Variants in SAMD9 observed in about 807,000 individuals in gnomAD.
SAMD9 encodes the protein sterile alpha motif domain-containing protein 9.
Under a neutral mutation model 1.5 loss-of-function variants are expected in SAMD9, and 3 were observed. The ratio of observed to expected loss-of-function variants is 2.05; its 90% CI spans 0.93 to 5.29. The LOEUF is 5.29. SAMD9 is among the 30% of genes most tolerant of loss of function. The pLI is 0.02. For missense variants in SAMD9, 1,597 were observed against 1,820.8 expected (o/e 0.88, Z 2.24); for synonymous variants, 635 against 631.9 (o/e 1.00, Z -0.07).
At chr7:93,113,887 G>A (rs1791788908) in intron 2 of SAMD9, among the ~76,000 whole-genome samples, 1 of 152,202 alleles carries the variant, frequency 6.6e-6, no homozygotes, top group Admixed American at 6.5e-5. Flanking sequence ...GGAAGACAAT[G>A]TGGCAATTCC....
In SAMD9 at chr7:93,101,777, G is replaced by T. The variant is rs552576227; in HGVS notation, c.4321C>A (p.Pro1441Thr). 4 of 1,613,602 alleles carry T rather than the reference G, an allele frequency of 2.5e-6. No homozygotes were observed. Among genetic ancestry groups the T allele is most frequent in the African/African-American group, 1.3e-5 (1 of 74,880 alleles). Residue 1441 changes from proline to threonine, a missense_variant, in exon 3 of 3, where the codon CCA becomes ACA. Physicochemically the swap from Pro to Thr is conservative, Grantham distance 38. Transcript: ENST00000379958. ...TGTTGATCTAGTTGTTGATTTTCTG[G>T]CCAGAATAAGAGGGAAGCTAGAAAA... ...PYFLASLLFWPENQQLDQHSE... is the reference protein window; with the variant it reads ...PYFLASLLFWTENQQLDQHSE...
chr7:93,116,430 T>A (rs1203655190), intron 1 of SAMD9, among the ~76,000 whole-genome samples: 1 of 152,198 alleles, frequency 6.6e-6, no homozygotes, highest in African/African-American at 2.4e-5. Context: ...CTATGAATAT[T>A]TCAAATGTCA....
chr7:93,101,001 G>T lies in SAMD9; in HGVS notation c.*327C>A. 3.0e-6 allele frequency: 1 copy of T among 329,462 alleles called. No homozygotes were observed. The highest frequency in any genetic ancestry group is 5.6e-6 in the Non-Finnish European group (1 of 177,190). The allele number at this position is 329,462 out of a possible 1,614,324, so 20.4% of individuals were successfully genotyped here. A position where few individuals can be genotyped will look rare whatever the true frequency, so the allele number is the denominator to read the frequency against. On this transcript the variant is annotated 3_prime_UTR_variant, in exon 3 of 3. Coordinates refer to ENST00000379958, the MANE Select transcript of SAMD9 (RefSeq NM_017654.4). ...GAGTAGACAATCTTCTTCAATCCAT[G>T]CCTGGTAAGTAGTGGGGTTCTGTGT...
chr7:93,111,789 C>G (rs1328082636), intron 2 of SAMD9, among the ~76,000 whole-genome samples: 1 of 152,194 alleles, frequency 6.6e-6, no homozygotes, highest in Admixed American at 6.5e-5. Flanking sequence ...AGACCAATAA[C>G]AGGTTCTGAA....
rs769707396 is a variant in SAMD9 at position 93,106,106 on chromosome 7, C to G, written c.-8-1G>C. ...TTAAGTTGCTTTGCCATTCTGATAC[C>G]TATATGTAGAAAAAGAAAAATTATT... On this transcript the variant is annotated splice_acceptor_variant, in intron 2 of 2. Coordinates refer to ENST00000379958, the MANE Select transcript of SAMD9 (RefSeq NM_017654.4). LOFTEE classifies it low-confidence loss of function (5UTR_SPLICE). The G allele has an allele frequency of 1.3e-6, 2 of 1,553,466 alleles. No homozygotes were observed. Among genetic ancestry groups the G allele is most frequent in the East Asian group, 4.5e-5 (2 of 44,054 alleles).
rs1791520277 is a variant in SAMD9 at position 93,101,140 on chromosome 7, T to G, written c.*188A>C. 2 of 621,846 alleles carry G rather than the reference T, an allele frequency of 3.2e-6. No individual in the cohort carries two copies. Among genetic ancestry groups the G allele is most frequent in the Non-Finnish European group, 5.7e-6 (2 of 351,326 alleles). The allele number at this position is 621,846 out of a possible 1,614,324, so 38.5% of individuals were successfully genotyped here. On this transcript the variant is annotated 3_prime_UTR_variant, in exon 3 of 3. Transcript: ENST00000379958. ...ATTTGCTACTTTTCATATATCTCAC[T>G]CCTTCCTTTTTCACTATTGTCTTTG...
In SAMD9 at chr7:93,105,460, A is replaced by G; in HGVS notation, c.638T>C (p.Met213Thr). ...TCGGAAAACCTCATTGCTAAATTTC[A>G]TCTTGACATCCTCTTCTGTGGCTGT... is the stretch of plus-strand genomic sequence containing the variant. The part of the protein sequence containing the change: ...TATATEEDVK[M>T]KFSNEVFRFA... The change falls in exon 3 of 3, where the codon ATG (methionine) becomes ACG (threonine). Residue 213 changes from methionine to threonine, a missense_variant. By Grantham distance (81) the Met-to-Thr change is moderately conservative (BLOSUM62 -1). Around this residue, in one of 6 missense-constraint regions of SAMD9, gnomAD observed 498 missense variants for 457.4 expected, o/e 1.09. Coordinates refer to ENST00000379958, the MANE Select transcript of SAMD9 (RefSeq NM_017654.4). The G allele has an allele frequency of 6.2e-7, 1 of 1,614,104 alleles. No homozygotes were observed. Among genetic ancestry groups the G allele is most frequent in the East Asian group, 2.2e-5 (1 of 44,860 alleles).
In SAMD9 at chr7:93,103,628, G is replaced by A. The variant is rs1186536794; in HGVS notation, c.2470C>T (p.Arg824Ter). 3.1e-6 allele frequency: 5 copies of A among 1,613,320 alleles called. No homozygotes were observed. Among genetic ancestry groups the A allele is most frequent in the Middle Eastern group, 1.6e-4 (1 of 6,082 alleles). The change falls in exon 3 of 3, where the codon CGA becomes TGA. Residue 824 changes from arginine to a stop codon, truncating the protein, a stop_gained. Transcript: ENST00000379958. LOFTEE classifies it low-confidence loss of function (END_TRUNC). ...IQTAIAKKYIRYEKPLVIILN... is the reference protein window; with the variant it reads ...IQTAIAKKYI Reference sequence around the variant, plus strand: ...ATAATCACCAGAGGTTTTTCATATCGAATGTACTTTTTAGCTATAGCTGTT... The same window carrying A: ...ATAATCACCAGAGGTTTTTCATATCAAATGTACTTTTTAGCTATAGCTGTT...
At chr7:93,111,029 A>G (rs1791733845) in intron 2 of SAMD9, among the ~76,000 whole-genome samples, 1 of 152,226 alleles carries the variant, frequency 6.6e-6, no homozygotes, top group African/African-American at 2.4e-5. Context: ...CATCGCACTT[A>G]TTTCAAAATT....
Position 93,102,672 on chromosome 7 carries a change from C to A in SAMD9, c.3426G>T (p.Gly1142=), listed in dbSNP as rs555757176. 1.9e-6 allele frequency: 3 copies of A among 1,613,884 alleles called. No homozygotes were observed. The highest frequency in any genetic ancestry group is 2.2e-5 in the East Asian group (1 of 44,872). The change falls in exon 3 of 3, where the codon GGG becomes GGT. Residue 1142 remains glycine (G), a synonymous_variant. Transcript: ENST00000379958. ...RWWIEENGGN[G]NISVDDLIAL... ...CAATTAGATCATCAACTGAAATGTT[C>A]CCGTTTCCTCCGTTTTCCTCTATCC...
chr7:93,117,531 TG>T (rs1423045299), intron 1 of SAMD9, among the ~76,000 whole-genome samples: 1 of 152,154 alleles, frequency 6.6e-6, no homozygotes, highest in Non-Finnish European at 1.5e-5. Context: ...ACAATTCTCC[TG>T]TCCTTGCCTT....
chr7:93,111,415 A>G (rs956722999), intron 2 of SAMD9, among the ~76,000 whole-genome samples: 2 of 152,210 alleles, frequency 1.3e-5, no homozygotes, highest in African/African-American at 4.8e-5. Context: ...GCAAGAGCAA[A>G]CACATTCAAA....
At chr7:93,110,045 G>C (rs1178147889) in intron 2 of SAMD9, among the ~76,000 whole-genome samples, 1 of 152,096 alleles carries the variant, frequency 6.6e-6, no homozygotes, top group African/African-American at 2.4e-5. Flanking sequence ...AAATATTAAG[G>C]GCAGCCAGAA....
intron 2 of SAMD9, among the ~76,000 whole-genome samples, chr7:93,107,120 A>C (rs1381485201): frequency 6.6e-6 from 1 of 151,410 alleles, no homozygotes; most frequent in East Asian, 1.9e-4. Flanking sequence ...GGCTCATTGC[A>C]ACCTCTGCCT....
chr7:93,109,655 C>G (rs191994701), intron 2 of SAMD9, among the ~76,000 whole-genome samples: 2 of 152,056 alleles, frequency 1.3e-5, no homozygotes, highest in African/African-American at 4.8e-5. Context: ...AACTACGTGA[C>G]GCATGCACAA....
At chr7:93,114,739 C>A (rs1388605168) in intron 2 of SAMD9, 56 bp downstream of exon 2, 2 of 152,044 alleles carry the variant, frequency 1.3e-5, no homozygotes, top group Non-Finnish European at 2.9e-5. Flanking sequence ...CCAACTTTAA[C>A]TGAATAAATT....
rs1362319999 is a variant in SAMD9 at position 93,102,793 on chromosome 7, G to T, written c.3305C>A (p.Ala1102Asp). 5 of 1,613,696 alleles carry T rather than the reference G, an allele frequency of 3.1e-6. No homozygotes were observed. Among genetic ancestry groups the T allele is most frequent in the Admixed American group, 1.7e-5 (1 of 59,984 alleles). The stretch of plus-strand genomic sequence containing the variant: ...TTTTGCTTGTTTTGCCCAGTTTAGA[G>T]CATTGCCAAAGTCCTTCTTTTTAAT... ...FYIKKKDFGN[A>D]LNWAKQAKII... is the part of the protein sequence containing the mutation. Residue 1102 changes from alanine (A) to aspartate (D), a missense_variant, in exon 3 of 3, where the codon GCT becomes GAT. Ala to Asp is a moderately radical substitution (Grantham distance 126). This residue lies in a region of SAMD9 where 682 missense variants were observed against 810.0 expected (regional missense o/e 0.84). Coordinates refer to ENST00000379958, the MANE Select transcript of SAMD9 (RefSeq NM_017654.4).
Position 93,104,685 on chromosome 7 carries a change from T to C in SAMD9, c.1413A>G (p.Glu471=), listed in dbSNP as rs1791599736. Reference sequence around the variant, plus strand: ...TCGTCTCATTTGGTGTGGTTTTCTGTTCTACATATACACTTGGAAAGTGAA... The same window carrying C: ...TCGTCTCATTTGGTGTGGTTTTCTGCTCTACATATACACTTGGAAAGTGAA... ...ANLHFPSVYV[E]QKTTPNETIS... The change falls in exon 3 of 3, where the codon GAA becomes GAG. Residue 471 remains glutamate, a synonymous_variant. Coordinates refer to ENST00000379958, the MANE Select transcript of SAMD9 (RefSeq NM_017654.4). The C allele has an allele frequency of 6.2e-7, 1 of 1,613,912 alleles. No individual in the cohort carries two copies. Among genetic ancestry groups the C allele is most frequent in the South Asian group, 1.1e-5 (1 of 91,084 alleles).
In SAMD9 at chr7:93,102,762, T is replaced by C; in HGVS notation, c.3336A>G (p.Ile1112Met). The C allele has an allele frequency of 6.2e-7, 1 of 1,613,896 alleles. No homozygotes were observed. Among genetic ancestry groups the C allele is most frequent in the African/African-American group, 1.3e-5 (1 of 75,050 alleles). The change falls in exon 3 of 3, where the codon ATA becomes ATG. Residue 1112 changes from isoleucine (I) to methionine (M), a missense_variant. Physicochemically the swap from Ile to Met is conservative, Grantham distance 10 (BLOSUM62 1). This residue lies in a region of SAMD9 where 682 missense variants were observed against 810.0 expected (regional missense o/e 0.84). Coordinates refer to ENST00000379958, the MANE Select transcript of SAMD9 (RefSeq NM_017654.4). ...CTGAGATATAAGAATTGTCAGGTTCTATGATTTTTGCTTGTTTTGCCCAGT... is the reference window on the plus strand; with the variant it reads ...CTGAGATATAAGAATTGTCAGGTTCCATGATTTTTGCTTGTTTTGCCCAGT... ...ALNWAKQAKI[I>M]EPDNSYISDT...
Sources: gnomAD v4.1 joint callset for allele counts (sites outside exome capture counted in the v4.1 genomes callset) on GRCh38, gnomAD v4.1.1 for gene constraint, gnomAD v4.1.1 regional missense constraint, MANE v1.5 for transcripts, NCBI Gene and HGNC (gene_info 2026-07-23, HGNC 2026-07-21) for gene names.